Variants in DTWD2 observed in about 807,000 individuals in gnomAD.
DTWD2 encodes DTW motif tRNA-uridine aminocarboxypropyltransferase 2, also known as tRNA-uridine aminocarboxypropyltransferase 2.
In DTWD2, 39 loss-of-function variants were observed where a neutral mutation model predicts 31.8. That is an observed-to-expected ratio of 1.22 (90% CI 0.95 to 1.60). DTWD2 has a LOEUF of 1.60. DTWD2 is among the 40% of genes most tolerant of loss of function. DTWD2 has a pLI of 0.00. For synonymous variants in DTWD2, 180 were observed against 142.8 expected, an observed-to-expected ratio of 1.26 and a Z score of -1.86; for missense variants, 515 against 381.5, an observed-to-expected ratio of 1.35 and a Z score of -2.92.
intron 1 of DTWD2, among the ~76,000 whole-genome samples, chr5:118,984,252 G>A (rs946757836): frequency 6.6e-6 from 1 of 151,774 alleles, no homozygotes; most frequent in Non-Finnish European, 1.5e-5. Flanking sequence ...TCATGCCATT[G>A]CACTGCAGCC....
At chr5:118,899,835 T>C (rs1463575994) in intron 4 of DTWD2, among the ~76,000 whole-genome samples, 1 of 142,898 alleles carries the variant, frequency 7.0e-6, no homozygotes, top group Non-Finnish European at 1.5e-5. Flanking sequence ...GGAGTCTCAC[T>C]CTGTTGCCCG....
At chr5:118,951,434 A>G (rs1754463172) in intron 1 of DTWD2, among the ~76,000 whole-genome samples, 1 of 152,198 alleles carries the variant, frequency 6.6e-6, no homozygotes. Context: ...CATTGGGAGC[A>G]GAGATTAGAA....
intron 3 of DTWD2, among the ~76,000 whole-genome samples, chr5:118,929,139 G>A (rs1580415493): frequency 6.6e-6 from 1 of 152,164 alleles, no homozygotes; most frequent in Non-Finnish European, 1.5e-5. Flanking sequence ...AGGCAAAATC[G>A]AGTAGCAATG....
chr5:118,905,174 CATTTG>C (rs767682316), intron 4 of DTWD2, among the ~76,000 whole-genome samples: 1 of 152,130 alleles, frequency 6.6e-6, no homozygotes, highest in Non-Finnish European at 1.5e-5. Context: ...ACATTACCCA[CATTTG>C]ATTTGTTAAA....
chr5:118,959,107 G>A (rs575093354), intron 1 of DTWD2, among the ~76,000 whole-genome samples: 1 of 152,150 alleles, frequency 6.6e-6, no homozygotes, highest in Admixed American at 6.5e-5. Flanking sequence ...AGAGAAATCC[G>A]GCAAGGGAAA....
intron 4 of DTWD2, among the ~76,000 whole-genome samples, chr5:118,890,382 A>G (rs1185892015): frequency 6.6e-6 from 1 of 152,154 alleles, no homozygotes; most frequent in African/African-American, 2.4e-5. Context: ...TAATTCATGT[A>G]AATTTCCACG....
At chr5:118,917,570 G>A (rs149163931) in intron 4 of DTWD2, among the ~76,000 whole-genome samples, 18 of 152,250 alleles carry the variant, frequency 1.2e-4, no homozygotes, top group East Asian at 5.8e-4. Context: ...ACAGGGCTCC[G>A]GAGGCCTTAG....
intron 1 of DTWD2, among the ~76,000 whole-genome samples, chr5:118,981,874 G>A (rs1755309978): frequency 6.6e-6 from 1 of 152,180 alleles, no homozygotes; most frequent in African/African-American, 2.4e-5. Flanking sequence ...TAGATTAGAA[G>A]AAGGCAGAGA....
chr5:118,867,500 C>A (rs574873671), intron 4 of DTWD2, among the ~76,000 whole-genome samples: 3 of 152,332 alleles, frequency 2.0e-5, no homozygotes, highest in East Asian at 3.9e-4. Flanking sequence ...TTGAGCCAGA[C>A]TGTCTTTGAA....
At chr5:118,927,487 CTGTT>C (rs949579337) in intron 4 of DTWD2, among the ~76,000 whole-genome samples, 2 of 151,814 alleles carry the variant, frequency 1.3e-5, no homozygotes, top group African/African-American at 4.8e-5. Flanking sequence ...CCTTTTGAAT[CTGTT>C]TGTGTAAAAA....
chr5:118,977,769 A>G (rs1315635952), intron 1 of DTWD2, among the ~76,000 whole-genome samples: 1 of 152,242 alleles, frequency 6.6e-6, no homozygotes, highest in Non-Finnish European at 1.5e-5. Context: ...TGCCCAATTT[A>G]TAGATTCAAT....
intron 4 of DTWD2, among the ~76,000 whole-genome samples, chr5:118,851,800 T>G (rs1752013311): frequency 6.7e-6 from 1 of 149,806 alleles, no homozygotes; most frequent in Non-Finnish European, 1.5e-5. Context: ...GTAACTAACC[T>G]GCACATTGTG....
intron 1 of DTWD2, among the ~76,000 whole-genome samples, chr5:118,963,045 A>G (rs1294300186): frequency 1.3e-5 from 2 of 152,274 alleles, no homozygotes; most frequent in Non-Finnish European, 2.9e-5. Context: ...TGAGGGTCTA[A>G]AGAGGATCCA....
intron 4 of DTWD2, among the ~76,000 whole-genome samples, chr5:118,924,723 A>C (rs1753774416): frequency 6.6e-6 from 1 of 152,254 alleles, no homozygotes; most frequent in African/African-American, 2.4e-5. Flanking sequence ...CTATCATTTT[A>C]CAATCGAAGT....
chr5:118,961,325 A>C (rs1239151409), intron 1 of DTWD2, among the ~76,000 whole-genome samples: 2 of 152,200 alleles, frequency 1.3e-5, no homozygotes, highest in Non-Finnish European at 2.9e-5. Context: ...AAAATATAGC[A>C]AACAGCTTTC....
At chr5:118,961,776 G>C (rs1754711728) in intron 1 of DTWD2, among the ~76,000 whole-genome samples, 1 of 151,668 alleles carries the variant, frequency 6.6e-6, no homozygotes, top group Admixed American at 6.6e-5. Flanking sequence ...TATTGGGGGG[G>C]GCATACTTCC....
At chr5:118,842,441 T>C (rs1405450794) in intron 5 of DTWD2, among the ~76,000 whole-genome samples, 2 of 152,134 alleles carry the variant, frequency 1.3e-5, no homozygotes, top group African/African-American at 4.8e-5. Context: ...ATCATGTGAC[T>C]ACTAGGCAAC....
intron 4 of DTWD2, among the ~76,000 whole-genome samples, chr5:118,879,652 A>G (rs1752696978): frequency 6.6e-6 from 1 of 151,374 alleles, no homozygotes; most frequent in African/African-American, 2.4e-5. Context: ...TGTCCTTTGC[A>G]GGGACATGGA....
chr5:118,864,403 G>T (rs1463996817), intron 4 of DTWD2, among the ~76,000 whole-genome samples: 1 of 150,896 alleles, frequency 6.6e-6, no homozygotes, highest in Non-Finnish European at 1.5e-5. Flanking sequence ...AGGAGGGAGG[G>T]TTAGCATTAG....
Sources: allele counts gnomAD v4.1 joint callset (sites outside exome capture counted in the v4.1 genomes callset), GRCh38; gene constraint gnomAD v4.1.1; transcripts MANE v1.5; gene names NCBI Gene and HGNC (gene_info 2026-07-23, HGNC 2026-07-21).